Variants in SUFU observed in about 807,000 individuals in gnomAD.
The protein encoded by SUFU is SUFU negative regulator of hedgehog signaling.
SUFU carries 7 observed loss-of-function variants against 58.9 expected under a neutral mutation model. The observed-to-expected ratio is 0.12, with a 90% CI of 0.07 to 0.22. The LOEUF (loss-of-function observed/expected upper bound fraction) is 0.22. SUFU is among the 10% of genes least tolerant of loss of function. SUFU has a pLI of 1.00. For synonymous variants in SUFU, 232 were observed against 254.8 expected, an observed-to-expected ratio of 0.91 and a Z score of 0.85; for missense variants, 451 against 641.3, an observed-to-expected ratio of 0.70 and a Z score of 3.20.
chr10:102,527,498 G>GATATATATATATAT (rs60387903), intron 2 of SUFU, among the ~76,000 whole-genome samples: 2 of 148,266 alleles, frequency 1.3e-5, no homozygotes, highest in East Asian at 2.0e-4. Flanking sequence ...ATACCATTAA[G>GATATATATATATAT]ATATATATAT....
intron 3 of SUFU, among the ~76,000 whole-genome samples, chr10:102,561,272 AAT>A (rs1277521749): frequency 9.2e-5 from 14 of 152,252 alleles, no homozygotes; most frequent in Non-Finnish European, 2.1e-4. Flanking sequence ...TAGATAAATT[AAT>A]ATGTTATTAA....
At position 102,592,707 on chromosome 10, in the gene SUFU, G is replaced by A. The variant is rs1398294691; in HGVS notation, c.580G>A (p.Val194Ile). The A allele has an allele frequency of 6.2e-7, 1 of 1,614,160 alleles. No individual in the cohort carries two copies. Among genetic ancestry groups the A allele is most frequent in the Non-Finnish European group, 8.5e-7 (1 of 1,180,044 alleles). Residue 194 changes from valine (V) to isoleucine (I), a missense_variant, in exon 4 of 12, where the codon GTA (valine) becomes ATA (isoleucine). Coordinates refer to ENST00000369902, the MANE Select transcript of SUFU (RefSeq NM_016169.4). The stretch of plus-strand genomic sequence containing the variant: ...GCAGCCCGTGCAGACACCCTTTGGG[G>A]TAGTTACCTTCCTCCAGGTGAGGCA... ...QMQPVQTPFG[V>I]VTFLQIVGVC... is the part of the protein sequence containing the mutation.
At chr10:102,541,868 C>T (rs1564672944) in intron 2 of SUFU, among the ~76,000 whole-genome samples, 3 of 141,106 alleles carry the variant, frequency 2.1e-5, no homozygotes. Context: ...ACCGCCATGC[C>T]CGGCTAATTT....
chr10:102,598,890 C>T (rs113279556), intron 7 of SUFU, among the ~76,000 whole-genome samples: 5 of 152,306 alleles, frequency 3.3e-5, no homozygotes, highest in African/African-American at 1.2e-4. Flanking sequence ...GCCCTTGCCT[C>T]TCCATGGAGA....
chr10:102,548,135 C>T (rs1283188995), intron 2 of SUFU, among the ~76,000 whole-genome samples: 2 of 152,122 alleles, frequency 1.3e-5, no homozygotes, highest in Non-Finnish European at 2.9e-5. Flanking sequence ...GCCTGAGTAA[C>T]AGAGCGAGAC....
Position 102,514,703 on chromosome 10 carries a change from G to C in SUFU, c.317+5400G>C, listed in dbSNP as rs144523793. ...TGCAGCTCTGGCCTTCCCCTTCATG[G>C]CCAGCTAGCTGTGGACTGGAATGTG... On this transcript the variant is annotated intron_variant, in intron 2 of 11. Coordinates refer to ENST00000369902, the MANE Select transcript of SUFU (RefSeq NM_016169.4). Among the ~76,000 whole-genome samples, 1,489 of 152,314 alleles carry C rather than the reference G, an allele frequency of 9.8e-3. 13 individuals carry two copies. The highest frequency in any genetic ancestry group is 0.017 in the Non-Finnish European group (1,125 of 68,020).
chr10:102,624,664 A>T (rs916672488), intron 10 of SUFU, among the ~76,000 whole-genome samples: 2 of 152,214 alleles, frequency 1.3e-5, no homozygotes, highest in African/African-American at 4.8e-5. Context: ...GTCCACACAC[A>T]GATGGTGCCG....
intron 2 of SUFU, among the ~76,000 whole-genome samples, chr10:102,525,523 C>A (rs1188058307): frequency 6.6e-6 from 1 of 152,062 alleles, no homozygotes; most frequent in African/African-American, 2.4e-5. Flanking sequence ...GAGATGGACC[C>A]TTGCTCTGTC....
intron 2 of SUFU, among the ~76,000 whole-genome samples, chr10:102,546,717 G>A (rs2062859522): frequency 6.6e-6 from 1 of 152,236 alleles, no homozygotes; most frequent in Admixed American, 6.5e-5. Flanking sequence ...CAGACTTCAG[G>A]TCGTGTGTTT....
At chr10:102,552,064 TAAC>T (rs1394664704) in intron 3 of SUFU, among the ~76,000 whole-genome samples, 8 of 152,108 alleles carry the variant, frequency 5.3e-5, no homozygotes, top group Non-Finnish European at 8.8e-5. Context: ...GTGAGGTATG[TAAC>T]ATCAACTATG....
chr10:102,599,363 G>A (rs2063494053), intron 7 of SUFU, 70 bp from the exon 8 acceptor site: 2 of 1,224,740 alleles, frequency 1.6e-6, no homozygotes, highest in Non-Finnish European at 2.4e-6. Context: ...GCTGAGCCAG[G>A]TTTCAAGAGC....
intron 3 of SUFU, among the ~76,000 whole-genome samples, chr10:102,575,286 C>T (rs1178557823): frequency 1.3e-5 from 2 of 152,106 alleles, no homozygotes; most frequent in African/African-American, 4.8e-5. Context: ...AAGGATGGCT[C>T]CTAATGTTCT....
chr10:102,562,556 AACAAAACTTGCTTTTCTATAGTT>A (rs1364857723), intron 3 of SUFU, among the ~76,000 whole-genome samples: 1 of 151,614 alleles, frequency 6.6e-6, no homozygotes, highest in East Asian at 2.0e-4. Context: ...CAACAGCAAC[AACAAAACTTGCTTTTCTATAGTT>A]AAAAGTAAGT....
At chr10:102,589,514 C>T (rs190569214) in intron 3 of SUFU, among the ~76,000 whole-genome samples, 1 of 121,962 alleles carries the variant, frequency 8.2e-6, no homozygotes, top group African/African-American at 3.2e-5. Context: ...GGCATGATCT[C>T]GGCTCACTGC....
intron 3 of SUFU, among the ~76,000 whole-genome samples, chr10:102,565,242 A>G (rs918805904): frequency 1.3e-5 from 2 of 152,212 alleles, no homozygotes; most frequent in Non-Finnish European, 2.9e-5. Context: ...GTTCACTGCA[A>G]AAGTCGGCCG....
At chr10:102,607,084 C>T (rs1235255424) in intron 8 of SUFU, among the ~76,000 whole-genome samples, 12 of 142,254 alleles carry the variant, frequency 8.4e-5, no homozygotes, top group Non-Finnish European at 1.5e-4. Context: ...TTTGAGACGG[C>T]GTCTGACTCT....
chr10:102,532,783 A>G (rs2062690882), intron 2 of SUFU, among the ~76,000 whole-genome samples: 1 of 152,188 alleles, frequency 6.6e-6, no homozygotes, highest in Non-Finnish European at 1.5e-5. Flanking sequence ...AGTATAAGGC[A>G]GAGGAGGTAT....
At chr10:102,530,421 C>T (rs2062664122) in intron 2 of SUFU, among the ~76,000 whole-genome samples, 1 of 145,964 alleles carries the variant, frequency 6.9e-6, no homozygotes, top group African/African-American at 2.5e-5. Flanking sequence ...TTTAGTTTCT[C>T]TTTACCTTTG....
chr10:102,506,316 C>T (rs1024754855), intron 1 of SUFU, among the ~76,000 whole-genome samples: 1 of 152,074 alleles, frequency 6.6e-6, no homozygotes, highest in Non-Finnish European at 1.5e-5. Flanking sequence ...AGGGATTATA[C>T]AGCACTTTGT....
Sources: gnomAD v4.1 joint callset for allele counts (sites outside exome capture counted in the v4.1 genomes callset) on GRCh38, gnomAD v4.1.1 for gene constraint, MANE v1.5 for transcripts, NCBI Gene and HGNC (gene_info 2026-07-23, HGNC 2026-07-21) for gene names.